Variants in AKR1D1 observed in about 807,000 individuals in gnomAD.
AKR1D1 encodes the protein aldo-keto reductase family 1 member D1, also known as delta(4)-3-ketosteroid 5-beta-reductase.
A neutral mutation model predicts 42.6 loss-of-function variants in AKR1D1; 32 were observed. That is an observed-to-expected ratio of 0.75 (90% CI 0.57 to 1.01). AKR1D1 has a LOEUF of 1.01. AKR1D1 is among the 50% of genes least tolerant of loss of function. AKR1D1 has a pLI of 0.00. For missense variants in AKR1D1, 364 were observed against 402.2 expected (o/e 0.91, Z 0.81); for synonymous variants, 123 against 135.5 (o/e 0.91, Z 0.64).
At chr7:138,100,755 A>C (rs1241162118) in intron 4 of AKR1D1, among the ~76,000 whole-genome samples, 1 of 118,158 alleles carries the variant, frequency 8.5e-6, no homozygotes, top group Non-Finnish European at 1.6e-5. Flanking sequence ...CCCAGGCTGG[A>C]GTGCAGTGGC....
chr7:138,104,308 T>C (rs1794373179), intron 4 of AKR1D1, among the ~76,000 whole-genome samples: 1 of 152,102 alleles, frequency 6.6e-6, no homozygotes, highest in Non-Finnish European at 1.5e-5. Flanking sequence ...TGTGTATGTA[T>C]ATTTACATAC....
At chr7:138,101,282 C>A (rs1000115087) in intron 4 of AKR1D1, among the ~76,000 whole-genome samples, 3 of 150,986 alleles carry the variant, frequency 2.0e-5, no homozygotes, top group African/African-American at 7.3e-5. Context: ...TCACTGCAAC[C>A]TCCGCCTCTC....
intron 1 of AKR1D1, among the ~76,000 whole-genome samples, chr7:138,077,198 C>T (rs1378248513): frequency 6.6e-6 from 1 of 152,072 alleles, no homozygotes; most frequent in East Asian, 1.9e-4. Flanking sequence ...TAAAGACATA[C>T]CCTAGAGACT....
chr7:138,115,245 C>T (rs1216759031), intron 8 of AKR1D1, among the ~76,000 whole-genome samples: 1 of 152,124 alleles, frequency 6.6e-6, no homozygotes, highest in Non-Finnish European at 1.5e-5. Flanking sequence ...GAGTTCGACA[C>T]CAGCCTGGAC....
At chr7:138,081,589 G>A (rs367641456) in intron 1 of AKR1D1, among the ~76,000 whole-genome samples, 4 of 118,936 alleles carry the variant, frequency 3.4e-5, no homozygotes, top group African/African-American at 1.3e-4. Context: ...GCAATGGCAC[G>A]ATCGATCTCG....
intron 5 of AKR1D1, among the ~76,000 whole-genome samples, chr7:138,105,809 C>T (rs1411282114): frequency 6.6e-6 from 1 of 151,960 alleles, no homozygotes; most frequent in Non-Finnish European, 1.5e-5. Flanking sequence ...TGCTTAAACC[C>T]GGGAGGTGGA....
intron 1 of AKR1D1, among the ~76,000 whole-genome samples, chr7:138,085,950 A>G (rs887820564): frequency 6.6e-6 from 1 of 151,854 alleles, no homozygotes; most frequent in Non-Finnish European, 1.5e-5. Flanking sequence ...TAAGCTTCAT[A>G]TATTAATAAT....
intron 1 of AKR1D1, among the ~76,000 whole-genome samples, chr7:138,084,332 G>A (rs971425258): frequency 4.4e-5 from 6 of 137,710 alleles, no homozygotes; most frequent in East Asian, 2.2e-4. Flanking sequence ...GCATGATTAC[G>A]GCTCCCTGCA....
At chr7:138,113,552 AG>A in intron 7 of AKR1D1, 137 bp from the exon 8 acceptor site, 1 of 724,632 alleles carries the variant, frequency 1.4e-6, no homozygotes, top group African/African-American at 1.7e-5. Context: ...CTCAGTGGGT[AG>A]CCCCCCAACA....
chr7:138,078,246 G>A (rs1313200332), intron 1 of AKR1D1, among the ~76,000 whole-genome samples: 1 of 152,178 alleles, frequency 6.6e-6, no homozygotes, highest in African/African-American at 2.4e-5. Flanking sequence ...ATAGGCGTGA[G>A]ACACTATGCT....
intron 7 of AKR1D1, among the ~76,000 whole-genome samples, chr7:138,110,858 A>G (rs142399856): frequency 1.3e-5 from 2 of 151,980 alleles, no homozygotes; most frequent in Admixed American, 1.3e-4. Flanking sequence ...TTAAAATTTT[A>G]AAAAAAAGAA....
intron 4 of AKR1D1, among the ~76,000 whole-genome samples, chr7:138,099,773 T>G (rs1794253135): frequency 6.6e-6 from 1 of 150,910 alleles, no homozygotes; most frequent in African/African-American, 2.4e-5. Context: ...AGGCTGAGGC[T>G]GGAGGATCAC....
intron 4 of AKR1D1, among the ~76,000 whole-genome samples, chr7:138,103,272 T>A (rs947637486): frequency 6.6e-6 from 1 of 151,552 alleles, no homozygotes; most frequent in Non-Finnish European, 1.5e-5. Flanking sequence ...AAATTAAACT[T>A]AAAGTGTGTA....
At chr7:138,094,802 G>A (rs1367700898) in intron 3 of AKR1D1, among the ~76,000 whole-genome samples, 1 of 152,188 alleles carries the variant, frequency 6.6e-6, no homozygotes, top group Admixed American at 6.5e-5. Flanking sequence ...TTACAGGCAT[G>A]AGCCACCATA....
In AKR1D1 at chr7:138,106,696, G is replaced by A. The variant is rs1228918719; in HGVS notation, c.668G>A (p.Gly223Glu). The change falls in exon 6 of 9, where the codon GGG becomes GAG. Residue 223 changes from glycine (G) to glutamate (E), a missense_variant. Coordinates refer to ENST00000242375, the MANE Select transcript of AKR1D1 (RefSeq NM_005989.4). ...DIVITAYSPL[G>E]TSRNPIWVNV... Reference sequence around the variant, plus strand: ...GTCATTACTGCATATAGCCCTTTGGGGACCAGTAGGAATCCAATCTGGTAA... The same window carrying A: ...GTCATTACTGCATATAGCCCTTTGGAGACCAGTAGGAATCCAATCTGGTAA... 5 of 1,612,112 alleles carry A rather than the reference G, an allele frequency of 3.1e-6. No homozygotes were observed. The highest frequency in any genetic ancestry group is 4.5e-5 in the East Asian group (2 of 44,858).
At chr7:138,105,083 A>G (rs1794393464) in intron 4 of AKR1D1, among the ~76,000 whole-genome samples, 1 of 152,118 alleles carries the variant, frequency 6.6e-6, no homozygotes, top group Non-Finnish European at 1.5e-5. Flanking sequence ...TGTGGTAAAT[A>G]CCTTGAGAAA....
chr7:138,096,526 TG>T (rs1313013501), intron 3 of AKR1D1, among the ~76,000 whole-genome samples: 2 of 152,200 alleles, frequency 1.3e-5, no homozygotes, highest in African/African-American at 2.4e-5. Flanking sequence ...ACAGTTGCAC[TG>T]GGGATTAAGT....
rs1794652942 is a variant in AKR1D1 at position 138,117,274 on chromosome 7, T to C, written c.*612T>C. The C allele has an allele frequency of 6.5e-6, 1 of 152,986 alleles. No individual in the cohort carries two copies. Among genetic ancestry groups the C allele is most frequent in the African/African-American group, 2.4e-5 (1 of 41,466 alleles). The allele number at this position is 152,986 out of a possible 1,614,324, so 9.5% of individuals were successfully genotyped here. Reference sequence around the variant, plus strand: ...CTCCAATGTATGTATGTTTAGTTTTTATCCAACCTGAGGAATGAAAACTTA... The same window carrying C: ...CTCCAATGTATGTATGTTTAGTTTTCATCCAACCTGAGGAATGAAAACTTA... On this transcript the variant is annotated 3_prime_UTR_variant, in exon 9 of 9. Transcript: ENST00000242375.
intron 5 of AKR1D1, among the ~76,000 whole-genome samples, chr7:138,106,037 CTATT>C (rs376461221): frequency 0.018 from 2,807 of 152,250 alleles, 95 homozygotes; most frequent in African/African-American, 0.064. Context: ...AAAAAACTCA[CTATT>C]AATTAGAGAA....
Sources: allele counts gnomAD v4.1 joint callset (sites outside exome capture counted in the v4.1 genomes callset), GRCh38; gene constraint gnomAD v4.1.1; transcripts MANE v1.5; gene names NCBI Gene and HGNC (gene_info 2026-07-23, HGNC 2026-07-21).